The following ANAPC16 variants were observed in gnomAD, a reference collection of about 807,000 sequenced individuals.
ANAPC16 encodes anaphase-promoting complex subunit 16.
In ANAPC16, 6 loss-of-function variants were observed where a neutral mutation model predicts 13.1. The observed-to-expected ratio is 0.46, with a 90% confidence interval of 0.25 to 0.90. The LOEUF (loss-of-function observed/expected upper bound fraction) is 0.90. Ranked by LOEUF, ANAPC16 falls within the 40% of genes least tolerant of loss-of-function variation. ANAPC16 has a pLI of 0.18. For missense variants in ANAPC16, 113 were observed against 131.1 expected (o/e 0.86, Z 0.67); for synonymous variants, 55 against 51.3 (o/e 1.07, Z -0.31).
At chr10:72,216,890 G>C (rs1280589678) in intron 1 of ANAPC16, 2 of 456,096 alleles carry the variant, frequency 4.4e-6, no homozygotes, top group East Asian at 1.4e-4. Flanking sequence ...GGGCACCTCC[G>C]GTGGGCCTGG....
intron 3 of ANAPC16, 75 bp downstream of exon 3, chr10:72,230,515 C>T: frequency 7.9e-7 from 1 of 1,271,498 alleles, no homozygotes; most frequent in South Asian, 1.2e-5. Flanking sequence ...TGACAAAAAT[C>T]CCCAAACTCA....
chr10:72,224,905 G>T (rs931760787), intron 2 of ANAPC16, among the ~76,000 whole-genome samples: 3 of 152,156 alleles, frequency 2.0e-5, no homozygotes, highest in African/African-American at 7.2e-5. Flanking sequence ...TCACCATCTT[G>T]TTCAGCATCA....
At chr10:72,223,581 C>T in intron 1 of ANAPC16, 1 of 194,406 alleles carries the variant, frequency 5.1e-6, no homozygotes, top group Non-Finnish European at 1.0e-5. Context: ...TCTGCCTTGG[C>T]ACTGCCATAT....
intron 2 of ANAPC16, among the ~76,000 whole-genome samples, chr10:72,228,313 A>G (rs894590234): frequency 6.6e-6 from 1 of 152,198 alleles, no homozygotes; most frequent in Non-Finnish European, 1.5e-5. Flanking sequence ...GTCCTCACCC[A>G]GTTATTACTG....
At chr10:72,217,153 G>C (rs925138145) in intron 1 of ANAPC16, 13 of 430,028 alleles carry the variant, frequency 3.0e-5, no homozygotes, top group Non-Finnish European at 2.8e-5. Context: ...AAGGTGGCAG[G>C]GTGTTTCTTA....
Position 72,233,425 on chromosome 10 carries a change from G to A in ANAPC16, c.*309G>A, listed in dbSNP as rs1227301867. 1.6e-5 allele frequency: 4 copies of A among 243,832 alleles called. No homozygotes were observed. The highest frequency in any genetic ancestry group is 3.2e-5 in the Non-Finnish European group (4 of 123,428). 15.1% of individuals were successfully genotyped at this position (243,832 alleles called of 1,614,324 possible). On this transcript the variant is annotated 3_prime_UTR_variant, in exon 4 of 4. Transcript: ENST00000299381. ...CACAAGCCAAGTAGGGCATATATCAGATTTGGCCAACTGAATGGCGTCTGT... is the reference window on the plus strand; with the variant it reads ...CACAAGCCAAGTAGGGCATATATCAAATTTGGCCAACTGAATGGCGTCTGT...
Position 72,234,271 on chromosome 10 carries a change from T to C in ANAPC16, c.*1155T>C, listed in dbSNP as rs1589720500. On this transcript the variant is annotated 3_prime_UTR_variant, in exon 4 of 4. Coordinates refer to ENST00000299381, the MANE Select transcript of ANAPC16 (RefSeq NM_173473.4). ...GATCCACCTGCCTCAGCCTCCCAAA[T>C]TGCTGGGATTACAGGCGTGAGCCAC... 1 of 152,218 alleles carries C rather than the reference T, an allele frequency of 6.6e-6. No individual in the cohort carries two copies. The highest frequency in any genetic ancestry group is 2.4e-5 in the African/African-American group (1 of 41,442). 9.4% of individuals were successfully genotyped at this position (152,218 alleles called of 1,614,324 possible). A position where few individuals can be genotyped will look rare whatever the true frequency, so the allele number is the denominator to read the frequency against.
At chr10:72,221,569 T>C (rs1211532928) in intron 1 of ANAPC16, among the ~76,000 whole-genome samples, 98 of 140,718 alleles carry the variant, frequency 7.0e-4, no homozygotes, top group Non-Finnish European at 1.2e-3. Context: ...TTTTTTTTTT[T>C]TGAGACAGAG....
At position 72,233,142 on chromosome 10, in the gene ANAPC16, G is replaced by A. The variant is rs370996491; in HGVS notation, c.*26G>A. The A allele has an allele frequency of 1.3e-6, 2 of 1,596,220 alleles. No individual in the cohort carries two copies. Among genetic ancestry groups the A allele is most frequent in the Non-Finnish European group, 1.7e-6 (2 of 1,164,534 alleles). ...TACTGCCTGGATGGTCACCTCTGGT[G>A]CGCAGCAAGTGCAAAGCCAGTGGGG... On this transcript the variant is annotated 3_prime_UTR_variant, in exon 4 of 4. Coordinates refer to ENST00000299381, the MANE Select transcript of ANAPC16 (RefSeq NM_173473.4).
chr10:72,228,765 G>A (rs1589715694), intron 2 of ANAPC16, among the ~76,000 whole-genome samples: 1 of 152,334 alleles, frequency 6.6e-6, no homozygotes, highest in African/African-American at 2.4e-5. Context: ...ATATAGTGTG[G>A]TGGAGTGAAA....
At chr10:72,221,547 CTTTTTTTTT>C (rs910872494) in intron 1 of ANAPC16, among the ~76,000 whole-genome samples, 1 of 91,350 alleles carries the variant, frequency 1.1e-5, no homozygotes, top group Non-Finnish European at 2.1e-5. Flanking sequence ...TTTTTCTTTT[CTTTTTTTTT>C]TTTTTTTTTT....
At chr10:72,221,360 CAT>C (rs1480855863) in intron 1 of ANAPC16, among the ~76,000 whole-genome samples, 1 of 152,006 alleles carries the variant, frequency 6.6e-6, no homozygotes, top group Non-Finnish European at 1.5e-5. Flanking sequence ...CCAATAGCCA[CAT>C]GTGGCTACTT....
intron 3 of ANAPC16, among the ~76,000 whole-genome samples, chr10:72,230,752 A>T (rs1459204433): frequency 1.3e-5 from 2 of 152,184 alleles, no homozygotes; most frequent in East Asian, 3.9e-4. Context: ...TTAGTCAGGC[A>T]TGGTGGCGCA....
At chr10:72,222,262 A>G (rs1242335125) in intron 1 of ANAPC16, among the ~76,000 whole-genome samples, 1 of 151,316 alleles carries the variant, frequency 6.6e-6, no homozygotes, top group Non-Finnish European at 1.5e-5. Context: ...AACTAAAAAT[A>G]CAAAAATTAG....
chr10:72,229,822 G>T (rs1219668574), intron 2 of ANAPC16, among the ~76,000 whole-genome samples: 2 of 152,194 alleles, frequency 1.3e-5, no homozygotes, highest in African/African-American at 2.4e-5. Flanking sequence ...TTTTGGTTCA[G>T]TTGGAAAATC....
chr10:72,223,730 C>T, intron 1 of ANAPC16, 158 bp from the exon 2 acceptor site: 1 of 502,958 alleles, frequency 2.0e-6, no homozygotes. Context: ...GATATTTTGG[C>T]CTGAGACATC....
chr10:72,232,981 C>CT lies in ANAPC16; in HGVS notation c.218-17dup, dbSNP rs770299440. 2 of 1,600,872 alleles carry CT rather than the reference C, an allele frequency of 1.2e-6. No homozygotes were observed. The highest frequency in any genetic ancestry group is 1.7e-6 in the Non-Finnish European group (2 of 1,168,374). On this transcript the variant is annotated intron_variant, in intron 3 of 3. Transcript: ENST00000299381. ...GGGTAATACGTTGTTGCATAATATTCTTTCCTTGACTCCTTACAGATCAGC... is the reference window on the plus strand; with the variant it reads ...GGGTAATACGTTGTTGCATAATATTCTTTTCCTTGACTCCTTACAGATCAGC...
At chr10:72,218,173 T>A (rs1239027395) in intron 1 of ANAPC16, among the ~76,000 whole-genome samples, 489 of 16,850 alleles carry the variant, frequency 0.029, 94 homozygotes, top group African/African-American at 0.12. Flanking sequence ...AAAATATATA[T>A]ATATATATAT....
intron 1 of ANAPC16, among the ~76,000 whole-genome samples, chr10:72,221,705 C>T (rs958692708): frequency 6.7e-6 from 1 of 149,812 alleles, no homozygotes; most frequent in East Asian, 1.9e-4. Flanking sequence ...ACTACAGGCG[C>T]CCACCACCAC....
Sources: gnomAD v4.1 joint callset for allele counts (sites outside exome capture counted in the v4.1 genomes callset) on GRCh38, gnomAD v4.1.1 for gene constraint, MANE v1.5 for transcripts, NCBI Gene and HGNC (gene_info 2026-07-23, HGNC 2026-07-21) for gene names.